FARS2: variants seen among roughly 807,000 people sequenced by gnomAD.
The protein encoded by FARS2 is phenylalanine--tRNA ligase, mitochondrial.
A neutral mutation model predicts 46.4 loss-of-function variants in FARS2; 40 were observed. The observed-to-expected ratio is 0.86, with a 90% CI of 0.67 to 1.12. The LOEUF (loss-of-function observed/expected upper bound fraction) is 1.12. FARS2 is among the 50% of genes most tolerant of loss of function. FARS2 has a pLI of 0.00. For missense variants in FARS2, 513 were observed against 567.9 expected, an observed-to-expected ratio of 0.90 and a Z score of 0.98; for synonymous variants, 234 against 214.9, an observed-to-expected ratio of 1.09 and a Z score of -0.78.
At chr6:5,612,026 C>T (rs893348245) in intron 5 of FARS2, among the ~76,000 whole-genome samples, 5 of 152,218 alleles carry the variant, frequency 3.3e-5, no homozygotes, top group African/African-American at 1.2e-4. Flanking sequence ...GGTCATTTGT[C>T]ACAGCAGTGT....
intron 1 of FARS2, among the ~76,000 whole-genome samples, chr6:5,319,089 A>G (rs1425898255): frequency 1.3e-5 from 2 of 152,132 alleles, no homozygotes. Context: ...CTATCCAGAC[A>G]TGAGCAGGTG....
At chr6:5,418,682 C>T (rs1182865265) in intron 3 of FARS2, among the ~76,000 whole-genome samples, 2 of 152,126 alleles carry the variant, frequency 1.3e-5, no homozygotes, top group Admixed American at 1.3e-4. Flanking sequence ...GCGCAGCTCT[C>T]TTCTCTCCTT....
chr6:5,420,134 C>G (rs1257488382), intron 3 of FARS2, among the ~76,000 whole-genome samples: 1 of 152,144 alleles, frequency 6.6e-6, no homozygotes, highest in East Asian at 1.9e-4. Flanking sequence ...AAACCATCAA[C>G]TCTTGTGAGA....
At chr6:5,494,318 C>T (rs965394333) in intron 4 of FARS2, among the ~76,000 whole-genome samples, 3 of 152,144 alleles carry the variant, frequency 2.0e-5, no homozygotes, top group Non-Finnish European at 2.9e-5. Flanking sequence ...ATCCACCCAT[C>T]CTTTAGTTCA....
chr6:5,680,200 T>C (rs1290928175), intron 6 of FARS2, among the ~76,000 whole-genome samples: 1 of 152,208 alleles, frequency 6.6e-6, no homozygotes, highest in East Asian at 1.9e-4. Context: ...TTGTGTGTGC[T>C]TGGACGTTGT....
chr6:5,277,638 A>C (rs1470246925), intron 1 of FARS2, among the ~76,000 whole-genome samples: 2 of 152,218 alleles, frequency 1.3e-5, no homozygotes, highest in African/African-American at 2.4e-5. Context: ...TTCAAAACTA[A>C]AATCTGTTTC....
intron 4 of FARS2, among the ~76,000 whole-genome samples, chr6:5,480,164 T>C (rs1766368821): frequency 6.6e-6 from 1 of 152,248 alleles, no homozygotes; most frequent in Admixed American, 6.5e-5. Context: ...GGATAGCTAA[T>C]GTGATTAGTG....
intron 3 of FARS2, among the ~76,000 whole-genome samples, chr6:5,425,930 G>A (rs1762823582): frequency 6.6e-6 from 1 of 152,220 alleles, no homozygotes; most frequent in Admixed American, 6.5e-5. Context: ...CCACGGTGTA[G>A]AGAAGAGGCA....
At chr6:5,317,866 C>G (rs1004574449) in intron 1 of FARS2, among the ~76,000 whole-genome samples, 1 of 151,888 alleles carries the variant, frequency 6.6e-6, no homozygotes, top group Non-Finnish European at 1.5e-5. Context: ...GGAGCAGTCA[C>G]AAGGGAGCAG....
chr6:5,279,205 G>C (rs902180213), intron 1 of FARS2, among the ~76,000 whole-genome samples: 1 of 151,730 alleles, frequency 6.6e-6, no homozygotes, highest in Non-Finnish European at 1.5e-5. Context: ...GTGAAACCCC[G>C]TCTCTACTAA....
chr6:5,719,379 C>A, intron 6 of FARS2, among the ~76,000 whole-genome samples: 1 of 106,730 alleles, frequency 9.4e-6, no homozygotes, highest in East Asian at 2.7e-4. Flanking sequence ...GAGGCAAGAC[C>A]CTGTCTCAAA....
intron 3 of FARS2, among the ~76,000 whole-genome samples, chr6:5,408,769 T>G (rs1168303497): frequency 6.6e-6 from 1 of 151,646 alleles, no homozygotes; most frequent in African/African-American, 2.4e-5. Flanking sequence ...GACGAAAGAG[T>G]AATACGATCA....
intron 1 of FARS2, among the ~76,000 whole-genome samples, chr6:5,318,938 C>T (rs1314820858): frequency 6.6e-6 from 1 of 152,162 alleles, no homozygotes; most frequent in East Asian, 1.9e-4. Context: ...CTTAGGTTCC[C>T]TGCTTCCCGA....
intron 3 of FARS2, among the ~76,000 whole-genome samples, chr6:5,415,667 T>C (rs145853671): frequency 4.3e-4 from 65 of 152,270 alleles, no homozygotes; most frequent in African/African-American, 1.5e-3. Context: ...TGTACTTATT[T>C]GCATTCATAT....
intron 6 of FARS2, among the ~76,000 whole-genome samples, chr6:5,697,656 GAT>G (rs1206602895): frequency 6.6e-6 from 1 of 152,186 alleles, no homozygotes; most frequent in African/African-American, 2.4e-5. Flanking sequence ...AAAATCATGA[GAT>G]ATAACTAAAA....
At chr6:5,325,478 T>A (rs917534530) in intron 1 of FARS2, among the ~76,000 whole-genome samples, 1 of 152,230 alleles carries the variant, frequency 6.6e-6, no homozygotes, top group African/African-American at 2.4e-5. Flanking sequence ...TGGTTTCAGC[T>A]GTGTGCAGCC....
chr6:5,374,424 A>C (rs1369947020), intron 2 of FARS2, among the ~76,000 whole-genome samples: 1 of 152,108 alleles, frequency 6.6e-6, no homozygotes, highest in African/African-American at 2.4e-5. Context: ...GGATAAATTA[A>C]AGATAAAAGC....
intron 4 of FARS2, among the ~76,000 whole-genome samples, chr6:5,459,811 T>C (rs996557528): frequency 6.6e-6 from 1 of 152,180 alleles, no homozygotes; most frequent in African/African-American, 2.4e-5. Flanking sequence ...TCTTCCTCCT[T>C]AGAGGCTGCC....
intron 1 of FARS2, among the ~76,000 whole-genome samples, chr6:5,272,081 C>G (rs1333251715): frequency 1.3e-5 from 2 of 152,054 alleles, no homozygotes; most frequent in East Asian, 3.9e-4. Flanking sequence ...TGTGTTGAAA[C>G]CTGCCCAGGG....
Sources: gnomAD v4.1 joint callset for allele counts (sites outside exome capture counted in the v4.1 genomes callset) on GRCh38, gnomAD v4.1.1 for gene constraint, MANE v1.5 for transcripts, NCBI Gene and HGNC (gene_info 2026-07-23, HGNC 2026-07-21) for gene names.